The following MACROD2 variants were observed in gnomAD, a reference collection of about 807,000 sequenced individuals.
The protein encoded by MACROD2 is mono-ADP ribosylhydrolase 2.
In MACROD2, 36 loss-of-function variants were observed where a neutral mutation model predicts 70.4. The observed-to-expected ratio is 0.51, with a 90% CI of 0.39 to 0.68. The LOEUF is 0.68. Among genes scored for constraint, MACROD2 ranks in the 30% least tolerant of loss-of-function variants. The pLI is 0.00. For synonymous variants in MACROD2, 172 were observed against 178.8 expected, an observed-to-expected ratio of 0.96 and a Z score of 0.30; for missense variants, 496 against 538.4, an observed-to-expected ratio of 0.92 and a Z score of 0.78.
intron 8 of MACROD2, among the ~76,000 whole-genome samples, chr20:15,504,765 C>T (rs1213589331): frequency 1.3e-5 from 2 of 152,164 alleles, no homozygotes; most frequent in East Asian, 3.9e-4. Context: ...TAACCTTTCT[C>T]TAAGTGCACC....
At chr20:15,571,950 C>T (rs2048382016) in intron 8 of MACROD2, among the ~76,000 whole-genome samples, 1 of 151,996 alleles carries the variant, frequency 6.6e-6, no homozygotes, top group African/African-American at 2.4e-5. Context: ...CAGTTTTTTT[C>T]CCAAACTTAT....
At chr20:15,785,765 T>C (rs2051914782) in intron 8 of MACROD2, among the ~76,000 whole-genome samples, 1 of 152,266 alleles carries the variant, frequency 6.6e-6, no homozygotes, top group African/African-American at 2.4e-5. Flanking sequence ...CCACCGTGCT[T>C]TCTCTTCATC....
At chr20:14,937,506 T>C (rs1435295275) in intron 5 of MACROD2, among the ~76,000 whole-genome samples, 9 of 152,158 alleles carry the variant, frequency 5.9e-5, no homozygotes, top group African/African-American at 2.2e-4. Flanking sequence ...CAGACTGTGG[T>C]CCAGTTTGGG....
intron 5 of MACROD2, among the ~76,000 whole-genome samples, chr20:14,836,349 G>A (rs1375495305): frequency 6.6e-6 from 1 of 151,974 alleles, no homozygotes; most frequent in African/African-American, 2.4e-5. Context: ...GCACAAATTC[G>A]TTAAAATTCC....
chr20:14,612,693 G>A (rs534826202), intron 4 of MACROD2, among the ~76,000 whole-genome samples: 77 of 152,056 alleles, frequency 5.1e-4, no homozygotes, highest in African/African-American at 1.8e-3. Flanking sequence ...TATGCTATGA[G>A]GTCGGACCTC....
chr20:14,424,328 C>T (rs1247907227), intron 3 of MACROD2, among the ~76,000 whole-genome samples: 1 of 151,818 alleles, frequency 6.6e-6, no homozygotes, highest in Non-Finnish European at 1.5e-5. Context: ...TAAAATGTGA[C>T]TTAATTATGA....
At chr20:15,697,091 C>T (rs942738185) in intron 8 of MACROD2, among the ~76,000 whole-genome samples, 8 of 151,816 alleles carry the variant, frequency 5.3e-5, no homozygotes, top group African/African-American at 1.5e-4. Flanking sequence ...CTTTCGTCTG[C>T]GGGTTTGGGT....
At chr20:15,199,457 C>T (rs1179307175) in intron 5 of MACROD2, among the ~76,000 whole-genome samples, 1 of 152,104 alleles carries the variant, frequency 6.6e-6, no homozygotes, top group Admixed American at 6.6e-5. Context: ...TCCATTCTTT[C>T]ATTTGCAAAA....
chr20:15,265,815 T>A (rs2077289553), intron 6 of MACROD2, among the ~76,000 whole-genome samples: 1 of 152,238 alleles, frequency 6.6e-6, no homozygotes, highest in African/African-American at 2.4e-5. Context: ...TTACCAGCTA[T>A]CATTGTTCCA....
chr20:15,479,875 G>A (rs1215920008), intron 7 of MACROD2, among the ~76,000 whole-genome samples: 1 of 152,178 alleles, frequency 6.6e-6, no homozygotes, highest in Non-Finnish European at 1.5e-5. Context: ...CTGTCAAAAT[G>A]TATGTATTAT....
chr20:14,395,450 G>A (rs1413403434), intron 3 of MACROD2, among the ~76,000 whole-genome samples: 1 of 151,834 alleles, frequency 6.6e-6, no homozygotes, highest in Non-Finnish European at 1.5e-5. Context: ...ATTTCTCTCA[G>A]TACTAATTTT....
intron 3 of MACROD2, among the ~76,000 whole-genome samples, chr20:14,234,804 G>A (rs2081853783): frequency 2.6e-5 from 4 of 152,116 alleles, no homozygotes; most frequent in Admixed American, 2.6e-4. Context: ...CTCCAAGAGT[G>A]GATGCCTCTC....
At chr20:14,848,848 T>C (rs1448010104) in intron 5 of MACROD2, among the ~76,000 whole-genome samples, 1 of 152,164 alleles carries the variant, frequency 6.6e-6, no homozygotes, top group Non-Finnish European at 1.5e-5. Flanking sequence ...AGAGTTTGTG[T>C]ACCTGAGGTT....
chr20:14,954,611 TTA>T (rs2122740970), intron 5 of MACROD2, among the ~76,000 whole-genome samples: 1 of 130,950 alleles, frequency 7.6e-6, no homozygotes, highest in African/African-American at 2.9e-5. Context: ...TATATAGTTA[TTA>T]TATATAATTT....
At chr20:14,261,264 T>TA (rs2082098971) in intron 3 of MACROD2, among the ~76,000 whole-genome samples, 1 of 151,732 alleles carries the variant, frequency 6.6e-6, no homozygotes, top group Non-Finnish European at 1.5e-5. Flanking sequence ...TAAGTGAAGT[T>TA]TTTTTATTTC....
chr20:15,182,625 C>T (rs1283067047), intron 5 of MACROD2, among the ~76,000 whole-genome samples: 3 of 152,172 alleles, frequency 2.0e-5, no homozygotes, highest in African/African-American at 7.2e-5. Flanking sequence ...TAGAGGCATG[C>T]AGGTGTGTTC....
chr20:15,636,076 GAAAAA>G (rs57402806), intron 8 of MACROD2, among the ~76,000 whole-genome samples: 38 of 85,842 alleles, frequency 4.4e-4, no homozygotes, highest in African/African-American at 1.5e-3. Context: ...CCTCTCAAAA[GAAAAA>G]AAAAAAAAAA....
chr20:14,573,381 C>A (rs1046105717), intron 4 of MACROD2, among the ~76,000 whole-genome samples: 3 of 152,098 alleles, frequency 2.0e-5, no homozygotes, highest in Non-Finnish European at 2.9e-5. Context: ...GGCAAGTAAT[C>A]AGCACTTACT....
rs112806600 is a variant in MACROD2 at position 14,922,602 on chromosome 20, C to T, written c.418+237643C>T. ...TTAACCTTTTAAAGGTGCAGTATGT[C>T]CATTGAATCTACAGCTTTACCGAAG... is the stretch of plus-strand genomic sequence containing the variant. On this transcript the variant is annotated intron_variant, in intron 5 of 17. Coordinates refer to ENST00000684519, the MANE Select transcript of MACROD2 (RefSeq NM_001351661.2). Among the ~76,000 whole-genome samples, 213 of 152,200 alleles carry T rather than the reference C, an allele frequency of 1.4e-3. 1 individual carries two copies. The highest frequency in any genetic ancestry group is 4.8e-3 in the African/African-American group (198 of 41,538).
Sources: gnomAD v4.1 joint callset for allele counts (sites outside exome capture counted in the v4.1 genomes callset) on GRCh38, gnomAD v4.1.1 for gene constraint, MANE v1.5 for transcripts, NCBI Gene and HGNC (gene_info 2026-07-23, HGNC 2026-07-21) for gene names.